Variants in CNTNAP5 observed in about 807,000 individuals in gnomAD.
CNTNAP5 encodes contactin associated protein family member 5.
A neutral mutation model predicts 150.2 loss-of-function variants in CNTNAP5; 72 were observed. The ratio of observed to expected loss-of-function variants is 0.48; its 90% CI spans 0.40 to 0.58. CNTNAP5 has a LOEUF of 0.58. CNTNAP5 is among the 20% of genes least tolerant of loss of function. The pLI is 0.00. For synonymous variants in CNTNAP5, 672 were observed against 619.8 expected, an observed-to-expected ratio of 1.08 and a Z score of -1.25; for missense variants, 1,636 against 1,626.2, an observed-to-expected ratio of 1.01 and a Z score of -0.10.
intron 3 of CNTNAP5, among the ~76,000 whole-genome samples, chr2:124,384,240 C>T (rs969968276): frequency 2.0e-5 from 3 of 152,106 alleles, no homozygotes; most frequent in East Asian, 3.8e-4. Flanking sequence ...GCTGCAGAAG[C>T]GTGAGGATCC....
At chr2:124,710,420 C>T (rs1336952369) in intron 13 of CNTNAP5, among the ~76,000 whole-genome samples, 1 of 152,056 alleles carries the variant, frequency 6.6e-6, no homozygotes, top group African/African-American at 2.4e-5. Flanking sequence ...TTGTACGCAA[C>T]CTGTAATAGA....
intron 3 of CNTNAP5, among the ~76,000 whole-genome samples, chr2:124,304,515 A>G (rs1303219036): frequency 6.6e-6 from 1 of 152,034 alleles, no homozygotes. Context: ...GGCAATGATA[A>G]GTAATTAGTT....
At chr2:124,197,021 C>T (rs4848919) in intron 1 of CNTNAP5, among the ~76,000 whole-genome samples, 120,879 of 152,214 alleles carry the variant, frequency 0.79, 48,166 homozygotes, top group East Asian at 1. Flanking sequence ...CTACATCATA[C>T]CTCAATCTTT....
chr2:124,807,989 G>A (rs1441074969), intron 19 of CNTNAP5, among the ~76,000 whole-genome samples: 1 of 152,094 alleles, frequency 6.6e-6, no homozygotes. Flanking sequence ...GAAGCACACA[G>A]GACTAACAAG....
intron 19 of CNTNAP5, among the ~76,000 whole-genome samples, chr2:124,820,595 C>A (rs1400173409): frequency 1.3e-5 from 2 of 151,318 alleles, no homozygotes; most frequent in African/African-American, 4.9e-5. Context: ...ATCCAAAAAT[C>A]CTATCAGTGG....
At chr2:124,345,245 G>T (rs1689709668) in intron 3 of CNTNAP5, among the ~76,000 whole-genome samples, 2 of 152,176 alleles carry the variant, frequency 1.3e-5, no homozygotes, top group African/African-American at 4.8e-5. Flanking sequence ...GTGTTGGAAT[G>T]CACTTTTCTT....
intron 10 of CNTNAP5, among the ~76,000 whole-genome samples, chr2:124,552,277 C>G (rs1349166891): frequency 6.6e-6 from 1 of 152,170 alleles, no homozygotes; most frequent in Non-Finnish European, 1.5e-5. Context: ...AAATCTGGAA[C>G]TCGCTGAGTC....
chr2:124,676,497 C>A (rs76047229), intron 13 of CNTNAP5, among the ~76,000 whole-genome samples: 1 of 152,226 alleles, frequency 6.6e-6, no homozygotes, highest in Non-Finnish European at 1.5e-5. Flanking sequence ...ACAATTGTCA[C>A]TGAAAGATTT....
At chr2:124,193,132 C>G (rs1685498301) in intron 1 of CNTNAP5, among the ~76,000 whole-genome samples, 1 of 152,046 alleles carries the variant, frequency 6.6e-6, no homozygotes, top group Non-Finnish European at 1.5e-5. Flanking sequence ...CCAAATTTCT[C>G]TCTTCTTATA....
chr2:124,557,920 A>T (rs1318832800), intron 10 of CNTNAP5, among the ~76,000 whole-genome samples: 1 of 152,132 alleles, frequency 6.6e-6, no homozygotes. Context: ...AACAAAGTCA[A>T]CATGGTTGGA....
intron 11 of CNTNAP5, among the ~76,000 whole-genome samples, chr2:124,592,081 A>G (rs1042536396): frequency 2.0e-5 from 3 of 152,156 alleles, no homozygotes; most frequent in Admixed American, 6.6e-5. Flanking sequence ...GCTGAACTAT[A>G]TTCCATGAGT....
At chr2:124,348,804 T>C (rs1369180670) in intron 3 of CNTNAP5, among the ~76,000 whole-genome samples, 1 of 152,194 alleles carries the variant, frequency 6.6e-6, no homozygotes, top group Non-Finnish European at 1.5e-5. Flanking sequence ...AATAGTGTTA[T>C]AGAATCACAG....
At chr2:124,089,273 A>AT (rs5834036) in intron 1 of CNTNAP5, among the ~76,000 whole-genome samples, 41,765 of 147,312 alleles carry the variant, frequency 0.28, 5,745 homozygotes, top group South Asian at 0.33. Flanking sequence ...GACCCCACCT[A>AT]TTTTTTTTTT....
intron 13 of CNTNAP5, among the ~76,000 whole-genome samples, chr2:124,713,236 T>TTTCTTTCTTTCTTTCTTTCTTTCTTTC: frequency 2.4e-5 from 1 of 41,990 alleles, no homozygotes; most frequent in African/African-American, 9.1e-5. Context: ...TCTTTCTTTC[T>TTTCTTTCTTTCTTTCTTTCTTTCTTTC]TTCTTTCTCT....
At chr2:124,435,475 ACT>A (rs1692507764) in intron 5 of CNTNAP5, among the ~76,000 whole-genome samples, 1 of 151,956 alleles carries the variant, frequency 6.6e-6, no homozygotes, top group Admixed American at 6.6e-5. Flanking sequence ...ACAAAAAAAC[ACT>A]CTTCTATAGA....
intron 3 of CNTNAP5, among the ~76,000 whole-genome samples, chr2:124,402,413 G>A (rs949933249): frequency 5.3e-5 from 8 of 152,286 alleles, no homozygotes; most frequent in Non-Finnish European, 1.0e-4. Flanking sequence ...GCACAGAGTC[G>A]ATAGCGACTC....
At chr2:124,552,583 G>A (rs1252915007) in intron 10 of CNTNAP5, among the ~76,000 whole-genome samples, 1 of 152,040 alleles carries the variant, frequency 6.6e-6, no homozygotes, top group Non-Finnish European at 1.5e-5. Context: ...CTTTACCATT[G>A]TCTGATAGCA....
intron 4 of CNTNAP5, among the ~76,000 whole-genome samples, chr2:124,433,630 G>A (rs1692448131): frequency 6.6e-6 from 1 of 150,466 alleles, no homozygotes; most frequent in Non-Finnish European, 1.5e-5. Context: ...GTTTCAATTT[G>A]TAATTAAACA....
At chr2:124,451,768 C>T (rs1053855362) in intron 6 of CNTNAP5, among the ~76,000 whole-genome samples, 14 of 152,080 alleles carry the variant, frequency 9.2e-5, no homozygotes, top group Non-Finnish European at 2.1e-4. Flanking sequence ...GATCATCTGC[C>T]CCTGAACACA....
Sources: gnomAD v4.1 joint callset for allele counts (sites outside exome capture counted in the v4.1 genomes callset) on GRCh38, gnomAD v4.1.1 for gene constraint, MANE v1.5 for transcripts, NCBI Gene and HGNC (gene_info 2026-07-23, HGNC 2026-07-21) for gene names.